Variants in NEMP2 observed in about 807,000 individuals in gnomAD.
NEMP2 encodes the protein nuclear envelope integral membrane protein 2.
Under a neutral mutation model 54.2 loss-of-function variants are expected in NEMP2, and 53 were observed. The ratio of observed to expected loss-of-function variants is 0.98; its 90% CI spans 0.78 to 1.23. The LOEUF (loss-of-function observed/expected upper bound fraction) is 1.23, where lower values mean the gene tolerates loss of function less well. NEMP2 is among the 50% of genes most tolerant of loss of function. The probability of loss-of-function intolerance (pLI) is 0.00; values close to 1 mark genes in which losing one functional copy is unlikely to be tolerated. For synonymous variants in NEMP2, 197 were observed against 190.3 expected, an observed-to-expected ratio of 1.04 and a Z score of -0.29; for missense variants, 455 against 511.3, an observed-to-expected ratio of 0.89 and a Z score of 1.06.
chr2:190,424,893 A>C, the NEMP2 span, among the ~76,000 whole-genome samples: 3 of 152,074 alleles, frequency 2.0e-5, no homozygotes, highest in Non-Finnish European at 4.4e-5. The surrounding 1 kb of genome is among the most constrained non-coding windows in gnomAD (Gnocchi z 5.9). Context: ...TTTCTGTATA[A>C]ATTTTAAAAT....
chr2:190,480,616 A>G, the NEMP2 span, among the ~76,000 whole-genome samples: 1 of 152,238 alleles, frequency 6.6e-6, no homozygotes, highest in Non-Finnish European at 1.5e-5. Flanking sequence ...GCAGATTACC[A>G]AAATATGCAA....
chr2:190,532,912 A>C (rs1691201387), intron 1 of NEMP2, among the ~76,000 whole-genome samples: 1 of 152,212 alleles, frequency 6.6e-6, no homozygotes, highest in African/African-American at 2.4e-5. Flanking sequence ...AAAAGTTGCC[A>C]TTCTTCTTAG....
chr2:190,588,339 C>A, the NEMP2 span, among the ~76,000 whole-genome samples: 1 of 152,152 alleles, frequency 6.6e-6, no homozygotes, highest in African/African-American at 2.4e-5. This position sits in a 1 kb window ranked among gnomAD's most constrained non-coding sequence, Gnocchi z 5.0. Context: ...AATAATCTCT[C>A]AATCTTTCTG....
the NEMP2 span, chr2:190,497,442 A>C: frequency 6.2e-7 from 1 of 1,613,358 alleles, no homozygotes. The surrounding 1 kb of genome is among the most constrained non-coding windows in gnomAD (Gnocchi z 5.2). Context: ...TCTCCAGACA[A>C]GACAATGTTG....
chr2:190,445,813 G>A, the NEMP2 span, among the ~76,000 whole-genome samples: 2 of 151,920 alleles, frequency 1.3e-5, no homozygotes, highest in South Asian at 2.1e-4. Flanking sequence ...GTGGTAATAT[G>A]GAAAGAATAA....
At chr2:190,469,995 A>C in the NEMP2 span, 1 of 599,720 alleles carries the variant, frequency 1.7e-6, no homozygotes, top group East Asian at 2.9e-5. The surrounding 1 kb of genome is among the most constrained non-coding windows in gnomAD (Gnocchi z 5.3). Context: ...TTGTTAAGGA[A>C]GAGATGACAT....
At position 190,514,720 on chromosome 2, in the gene NEMP2, G is replaced by A; in HGVS notation, c.728-42C>T. On this transcript the variant is annotated intron_variant, in intron 6 of 8. Coordinates refer to ENST00000409150, the MANE Select transcript of NEMP2 (RefSeq NM_001142645.2). The surrounding 1 kb of genome is among the most constrained non-coding windows in gnomAD (Gnocchi z 5.7). ...GGTAAAATAATATAAATTTGAATTT[G>A]AGACATTATGTGAAAAACCTGGCAG... 6.6e-7 allele frequency: 1 copy of A among 1,519,808 alleles called. No homozygotes were observed. The highest frequency in any genetic ancestry group is 2.5e-5 in the East Asian group (1 of 40,656). 94.1% of individuals were successfully genotyped at this position (1,519,808 alleles called of 1,614,324 possible).
the NEMP2 span, among the ~76,000 whole-genome samples, chr2:190,549,123 G>A: frequency 6.6e-6 from 1 of 152,182 alleles, no homozygotes; most frequent in African/African-American, 2.4e-5. Flanking sequence ...GAGTATCACT[G>A]TTTTCATACT....
the NEMP2 span, among the ~76,000 whole-genome samples, chr2:190,556,226 A>T: frequency 2.0e-5 from 3 of 152,240 alleles, no homozygotes; most frequent in Non-Finnish European, 4.4e-5. Flanking sequence ...AATGCCAAAA[A>T]CCACATGATT....
chr2:190,498,855 A>G, the NEMP2 span, among the ~76,000 whole-genome samples: 1 of 152,182 alleles, frequency 6.6e-6, no homozygotes, highest in Admixed American at 6.5e-5. The surrounding 1 kb of genome is among the most constrained non-coding windows in gnomAD (Gnocchi z 5.9). Context: ...TAGGATTAAT[A>G]AATTTTTTTC....
At chr2:190,478,933 G>A in the NEMP2 span, among the ~76,000 whole-genome samples, 1 of 152,092 alleles carries the variant, frequency 6.6e-6, no homozygotes, top group East Asian at 1.9e-4. Context: ...TATCTAGAGG[G>A]TAGCTGAAAG....
intron 2 of NEMP2, among the ~76,000 whole-genome samples, chr2:190,524,545 T>C (rs532769275): frequency 6.6e-6 from 1 of 152,290 alleles, no homozygotes; most frequent in African/African-American, 2.4e-5. Flanking sequence ...CCCCAGTACC[T>C]TGTTGGTTAA....
chr2:190,645,781 G>A, the NEMP2 span, among the ~76,000 whole-genome samples: 2 of 152,202 alleles, frequency 1.3e-5, no homozygotes, highest in Admixed American at 6.5e-5. Context: ...ATTTGCATTC[G>A]ACGAAGTATT....
chr2:190,580,768 G>C, the NEMP2 span, among the ~76,000 whole-genome samples: 2 of 152,170 alleles, frequency 1.3e-5, no homozygotes, highest in African/African-American at 4.8e-5. This position sits in a 1 kb window ranked among gnomAD's most constrained non-coding sequence, Gnocchi z 5.3. Flanking sequence ...ACATTACCCA[G>C]GATAACAGGA....
At chr2:190,464,590 C>T in the NEMP2 span, among the ~76,000 whole-genome samples, 1 of 152,154 alleles carries the variant, frequency 6.6e-6, no homozygotes. Flanking sequence ...AACCCTTGTT[C>T]GCTTTGTTTC....
chr2:190,448,650 A>G, the NEMP2 span, among the ~76,000 whole-genome samples: 1 of 152,192 alleles, frequency 6.6e-6, no homozygotes, highest in Non-Finnish European at 1.5e-5. Context: ...ACATATATAT[A>G]AAGACATTTA....
the NEMP2 span, among the ~76,000 whole-genome samples, chr2:190,469,183 A>G: frequency 6.6e-6 from 1 of 152,218 alleles, no homozygotes; most frequent in Middle Eastern, 3.2e-3. The surrounding 1 kb of genome is among the most constrained non-coding windows in gnomAD (Gnocchi z 5.3). Context: ...TTGAACTGAT[A>G]GGAGAAACTA....
At position 190,508,206 on chromosome 2, in the gene NEMP2, T is replaced by A. The variant is rs994112200; in HGVS notation, c.*983A>T. 5.3e-5 allele frequency: 8 copies of A among 152,260 alleles called. No individual in the cohort carries two copies. Among genetic ancestry groups the A allele is most frequent in the Non-Finnish European group, 1.2e-4 (8 of 68,050 alleles). The allele number at this position is 152,260 out of a possible 1,614,324, so 9.4% of individuals were successfully genotyped here. A position where few individuals can be genotyped will look rare whatever the true frequency, so the allele number is the denominator to read the frequency against. On this transcript the variant is annotated 3_prime_UTR_variant, in exon 9 of 9. Transcript: ENST00000409150. The surrounding 1 kb of genome is among the most constrained non-coding windows in gnomAD (Gnocchi z 4.3). ...CAAAAAAAGTAATCATAGTATCTAA[T>A]CCTTACGTATGTATATAAAAATCTT...
chr2:190,629,213 C>T, the NEMP2 span, among the ~76,000 whole-genome samples: 2 of 152,178 alleles, frequency 1.3e-5, no homozygotes, highest in Non-Finnish European at 2.9e-5. Context: ...AGCCCGATTC[C>T]CATGAGCTTT....
Sources: gnomAD v4.1 joint callset for allele counts (sites outside exome capture counted in the v4.1 genomes callset) on GRCh38, gnomAD v4.1.1 for gene constraint, Gnocchi (gnomAD v3.1) non-coding constraint, MANE v1.5 for transcripts, NCBI Gene and HGNC (gene_info 2026-07-23, HGNC 2026-07-21) for gene names.